KAZN: variants seen among roughly 807,000 people sequenced by gnomAD.
KAZN encodes kazrin.
A neutral mutation model predicts 87.4 loss-of-function variants in KAZN; 40 were observed. The observed-to-expected ratio is 0.46, with a 90% CI of 0.36 to 0.60. The LOEUF is 0.60. Ranked by LOEUF, KAZN falls within the 20% of genes least tolerant of loss-of-function variation. KAZN has a pLI of 0.00. For missense variants in KAZN, 898 were observed against 1,073.9 expected, an observed-to-expected ratio of 0.84 and a Z score of 2.29; for synonymous variants, 466 against 458.3, an observed-to-expected ratio of 1.02 and a Z score of -0.22.
At chr1:14,920,412 G>T (rs1218781376) in intron 1 of KAZN, among the ~76,000 whole-genome samples, 2 of 150,684 alleles carry the variant, frequency 1.3e-5, no homozygotes, top group Non-Finnish European at 2.9e-5. Context: ...CCCCTCTGAA[G>T]TCACACTATG....
At chr1:14,527,998 C>CCTAT (rs200376042) in intron 2 of KAZN, among the ~76,000 whole-genome samples, 28,897 of 145,076 alleles carry the variant, frequency 0.2, 2,858 homozygotes, top group Middle Eastern at 0.23. Context: ...GGTCTAGAAT[C>CCTAT]CTATCTATCT....
In KAZN at chr1:14,320,276, G is replaced by A. The variant is rs80297975; in HGVS notation, c.249+139684G>A. 4.9e-3 allele frequency among the ~76,000 whole-genome samples: 742 copies of A among 152,196 alleles called. 5 individuals carry two copies. The highest frequency in any genetic ancestry group is 0.016 in the African/African-American group (679 of 41,522). On this transcript the variant is annotated intron_variant, in intron 2 of 16. Coordinates refer to the KAZN transcript ENST00000636203. ...ACCAATGTTTTCCAAATTGGGGCAGGATGAAAGAGATATAGGTTCCTCAAA... is the reference window on the plus strand; with the variant it reads ...ACCAATGTTTTCCAAATTGGGGCAGAATGAAAGAGATATAGGTTCCTCAAA...
intron 1 of KAZN, among the ~76,000 whole-genome samples, chr1:14,752,283 G>A (rs1022537490): frequency 1.3e-5 from 2 of 152,138 alleles, no homozygotes; most frequent in African/African-American, 4.8e-5. Flanking sequence ...CATAGCAGAC[G>A]AGTCTGTGAG....
intron 2 of KAZN, among the ~76,000 whole-genome samples, chr1:15,012,454 G>A (rs1573059208): frequency 6.6e-6 from 1 of 152,158 alleles, no homozygotes; most frequent in African/African-American, 2.4e-5. Flanking sequence ...CTCACCGCTG[G>A]GTTGATGCAA....
intron 1 of KAZN, among the ~76,000 whole-genome samples, chr1:14,743,461 A>G (rs1375866855): frequency 6.6e-6 from 1 of 152,064 alleles, no homozygotes; most frequent in Non-Finnish European, 1.5e-5. Context: ...CAATGCAGAT[A>G]TTAATTATTC....
chr1:13,948,194 C>T (rs192201352), intron 1 of KAZN, among the ~76,000 whole-genome samples: 8 of 152,166 alleles, frequency 5.3e-5, no homozygotes, highest in Non-Finnish European at 1.2e-4. Flanking sequence ...ATTCTGGAAA[C>T]GTCAGGCTGC....
At chr1:15,060,517 G>A in intron 6 of KAZN, 1 of 643,046 alleles carries the variant, frequency 1.6e-6, no homozygotes, top group Non-Finnish European at 2.6e-6. Flanking sequence ...TGTCCGGGAG[G>A]GTGAGGAGAA....
chr1:13,916,557 T>C (rs532014987), intron 1 of KAZN, among the ~76,000 whole-genome samples: 2 of 152,214 alleles, frequency 1.3e-5, no homozygotes, highest in Non-Finnish European at 1.5e-5. Context: ...ACGGGGTCCC[T>C]GTGCTCTTGC....
At chr1:15,055,701 G>T (rs1338352416) in intron 4 of KAZN, among the ~76,000 whole-genome samples, 1 of 152,156 alleles carries the variant, frequency 6.6e-6, no homozygotes, top group Non-Finnish European at 1.5e-5. Context: ...TATATAAGAT[G>T]GGGAGACCAA....
At chr1:14,940,661 T>C (rs1226307649) in intron 1 of KAZN, among the ~76,000 whole-genome samples, 2 of 152,178 alleles carry the variant, frequency 1.3e-5, no homozygotes, top group Non-Finnish European at 2.9e-5. Flanking sequence ...TACCTTCTCT[T>C]GCACGTCCTA....
At chr1:14,736,736 GAT>G (rs1643921823) in intron 1 of KAZN, among the ~76,000 whole-genome samples, 1 of 152,104 alleles carries the variant, frequency 6.6e-6, no homozygotes, top group African/African-American at 2.4e-5. Flanking sequence ...TTCAGCCCAG[GAT>G]GTGCAAGGGT....
intron 1 of KAZN, among the ~76,000 whole-genome samples, chr1:13,950,166 C>A (rs776710501): frequency 7.2e-5 from 11 of 152,194 alleles, no homozygotes; most frequent in Admixed American, 7.2e-4. Context: ...TGCACTTCCT[C>A]CCTCTTGGCC....
At chr1:14,431,939 C>T (rs1666095259) in intron 2 of KAZN, among the ~76,000 whole-genome samples, 1 of 152,182 alleles carries the variant, frequency 6.6e-6, no homozygotes, top group South Asian at 2.1e-4. Flanking sequence ...TCATGTGAAC[C>T]AATTCTCCCT....
At chr1:14,457,819 G>GT (rs147082108) in intron 2 of KAZN, among the ~76,000 whole-genome samples, 9,103 of 136,728 alleles carry the variant, frequency 0.067, 390 homozygotes, top group Middle Eastern at 0.099. Flanking sequence ...GTTGTTTTTT[G>GT]TTTTGTTTTT....
intron 2 of KAZN, among the ~76,000 whole-genome samples, chr1:14,984,960 A>C (rs1470620658): frequency 1.3e-5 from 2 of 151,668 alleles, no homozygotes; most frequent in Non-Finnish European, 2.9e-5. Flanking sequence ...ATATGATGAA[A>C]CCTCGTCTCT....
chr1:14,723,797 A>G (rs1643242920), intron 1 of KAZN, among the ~76,000 whole-genome samples: 1 of 152,176 alleles, frequency 6.6e-6, no homozygotes, highest in Non-Finnish European at 1.5e-5. Context: ...TGACTGATCC[A>G]GAGGGTTTAT....
At chr1:15,070,958 A>T (rs1278196693) in intron 8 of KAZN, among the ~76,000 whole-genome samples, 2 of 152,190 alleles carry the variant, frequency 1.3e-5, no homozygotes, top group Non-Finnish European at 2.9e-5. Flanking sequence ...GCGGGGCAAA[A>T]TATGCCCCGG....
intron 1 of KAZN, among the ~76,000 whole-genome samples, chr1:14,027,085 C>T (rs903793467): frequency 6.6e-6 from 1 of 152,166 alleles, no homozygotes; most frequent in Non-Finnish European, 1.5e-5. Flanking sequence ...ACCTGCTTCT[C>T]CTAAGGTAAA....
Position 14,043,494 on chromosome 1 carries a change from T to C in KAZN, c.92-136941T>C, listed in dbSNP as rs116650694. On this transcript the variant is annotated intron_variant, in intron 1 of 16. Coordinates refer to the KAZN transcript ENST00000636203. The stretch of plus-strand genomic sequence containing the variant: ...CAAATGGTAATTCAATTTTTATTTT[T>C]ATTTTTTTGAGGAACTGTCGTACTG... 3.0e-3 allele frequency among the ~76,000 whole-genome samples: 452 copies of C among 152,352 alleles called. 4 individuals carry two copies. Among genetic ancestry groups the C allele is most frequent in the South Asian group, 0.018 (87 of 4,830 alleles).
Sources: gnomAD v4.1 joint callset for allele counts (sites outside exome capture counted in the v4.1 genomes callset) on GRCh38, gnomAD v4.1.1 for gene constraint, MANE v1.5 for transcripts, NCBI Gene and HGNC (gene_info 2026-07-23, HGNC 2026-07-21) for gene names.